The following GALNT13 variants were observed in gnomAD, a reference collection of about 807,000 sequenced individuals.
GALNT13 encodes polypeptide N-acetylgalactosaminyltransferase 13.
Under a neutral mutation model 64.2 loss-of-function variants are expected in GALNT13, and 28 were observed. The ratio of observed to expected loss-of-function variants is 0.44; its 90% confidence interval spans 0.32 to 0.60. The LOEUF (loss-of-function observed/expected upper bound fraction) is 0.60, where lower values mean the gene tolerates loss of function less well. GALNT13 is among the 20% of genes least tolerant of loss of function. The pLI, the probability that GALNT13 is intolerant of heterozygous loss-of-function variation, is 0.05. For synonymous variants in GALNT13, 214 were observed against 224.6 expected (o/e 0.95, Z 0.42); for missense variants, 577 against 669.8 (o/e 0.86, Z 1.53).
At chr2:153,960,012 G>T (rs1415016423) in intron 3 of GALNT13, among the ~76,000 whole-genome samples, 1 of 152,244 alleles carries the variant, frequency 6.6e-6, no homozygotes, top group Non-Finnish European at 1.5e-5. Flanking sequence ...CTGCTGGTCA[G>T]AGAGGCAGGT....
chr2:153,221,527 T>C, the GALNT13 span, among the ~76,000 whole-genome samples: 13 of 152,230 alleles, frequency 8.5e-5, no homozygotes, highest in African/African-American at 2.9e-4. Context: ...ATTCTTCAAG[T>C]GTTGCTTTTC....
At chr2:153,949,516 G>GAA (rs201346677) in intron 3 of GALNT13, among the ~76,000 whole-genome samples, 23 of 133,828 alleles carry the variant, frequency 1.7e-4, no homozygotes, top group East Asian at 4.1e-4. Flanking sequence ...TCTCAAAAAA[G>GAA]AAAAAAAAAA....
At chr2:154,121,703 A>C (rs1277906463) in intron 3 of GALNT13, among the ~76,000 whole-genome samples, 6 of 151,594 alleles carry the variant, frequency 4.0e-5, no homozygotes, top group Non-Finnish European at 8.8e-5. Flanking sequence ...ATACTATAGC[A>C]CTATTTGCTA....
the GALNT13 span, among the ~76,000 whole-genome samples, chr2:153,395,164 C>T: frequency 1.3e-5 from 2 of 152,124 alleles, no homozygotes; most frequent in Admixed American, 6.6e-5. Flanking sequence ...AAGGTAATCA[C>T]AAAGTGATTA....
intron 9 of GALNT13, among the ~76,000 whole-genome samples, chr2:154,347,988 T>A (rs1456411488): frequency 6.6e-6 from 1 of 152,200 alleles, no homozygotes; most frequent in African/African-American, 2.4e-5. Context: ...AGTACATTCA[T>A]ATTAATGATT....
At chr2:154,379,353 G>A (rs956903523) in intron 9 of GALNT13, among the ~76,000 whole-genome samples, 1 of 151,688 alleles carries the variant, frequency 6.6e-6, no homozygotes, top group Non-Finnish European at 1.5e-5. Flanking sequence ...TTTATCAAAT[G>A]TTCTTAACAT....
the GALNT13 span, among the ~76,000 whole-genome samples, chr2:153,690,203 ACT>A: frequency 6.6e-6 from 1 of 152,126 alleles, no homozygotes; most frequent in Non-Finnish European, 1.5e-5. Context: ...TGAATATATT[ACT>A]GAGATATTCT....
At chr2:153,675,590 T>G in the GALNT13 span, among the ~76,000 whole-genome samples, 1 of 152,110 alleles carries the variant, frequency 6.6e-6, no homozygotes, top group Non-Finnish European at 1.5e-5. Context: ...AAATACCTAA[T>G]GTAAATGAGA....
the GALNT13 span, among the ~76,000 whole-genome samples, chr2:153,669,274 TACATGTGC>T: frequency 6.6e-6 from 1 of 152,194 alleles, no homozygotes; most frequent in Non-Finnish European, 1.5e-5. Context: ...TTTGATGGTG[TACATGTGC>T]ACATGTGAAA....
intron 3 of GALNT13, among the ~76,000 whole-genome samples, chr2:154,052,246 G>GA (rs1300580160): frequency 6.6e-6 from 1 of 151,954 alleles, no homozygotes; most frequent in Non-Finnish European, 1.5e-5. Context: ...ATTTGTGAAA[G>GA]AAAAAAATAT....
chr2:153,659,335 T>C, the GALNT13 span, among the ~76,000 whole-genome samples: 1 of 152,120 alleles, frequency 6.6e-6, no homozygotes, highest in Non-Finnish European at 1.5e-5. Flanking sequence ...AGATTTCACT[T>C]CATTTCAACC....
chr2:153,546,618 G>T, the GALNT13 span, among the ~76,000 whole-genome samples: 3 of 152,290 alleles, frequency 2.0e-5, no homozygotes, highest in Admixed American at 2.0e-4. Flanking sequence ...ACTGTCCACA[G>T]CCAAGTACGA....
chr2:153,372,402 C>T, the GALNT13 span, among the ~76,000 whole-genome samples: 2 of 152,162 alleles, frequency 1.3e-5, no homozygotes, highest in African/African-American at 4.8e-5. Flanking sequence ...AATCCCAGCA[C>T]TTTGGGAGGC....
At chr2:154,077,783 A>T (rs2105405367) in intron 3 of GALNT13, among the ~76,000 whole-genome samples, 1 of 151,666 alleles carries the variant, frequency 6.6e-6, no homozygotes. Context: ...AGTGTTGAAA[A>T]ACTAGAGGCA....
the GALNT13 span, among the ~76,000 whole-genome samples, chr2:153,182,240 T>A: frequency 6.6e-6 from 1 of 152,022 alleles, no homozygotes; most frequent in Non-Finnish European, 1.5e-5. Context: ...GAGACGGGGT[T>A]TCACCGTGTT....
the GALNT13 span, among the ~76,000 whole-genome samples, chr2:153,832,904 C>G: frequency 6.6e-6 from 1 of 152,180 alleles, no homozygotes; most frequent in Admixed American, 6.5e-5. Context: ...TATGTCCCAA[C>G]AAGGCTTTAT....
chr2:153,715,756 A>G, the GALNT13 span, among the ~76,000 whole-genome samples: 2 of 151,530 alleles, frequency 1.3e-5, no homozygotes, highest in African/African-American at 2.4e-5. Context: ...CTTATCATAT[A>G]TTAACATCCT....
chr2:153,814,777 AT>A, the GALNT13 span, among the ~76,000 whole-genome samples: 2 of 152,208 alleles, frequency 1.3e-5, no homozygotes, highest in Admixed American at 6.5e-5. Context: ...CTCAGGCCTT[AT>A]AAACCGTAAT....
the GALNT13 span, among the ~76,000 whole-genome samples, chr2:153,194,932 G>A: frequency 6.6e-6 from 1 of 152,210 alleles, no homozygotes; most frequent in Admixed American, 6.5e-5. Flanking sequence ...GGAATAGACT[G>A]CCGAGGCTAG....
Sources: gnomAD v4.1 joint callset for allele counts (sites outside exome capture counted in the v4.1 genomes callset) on GRCh38, gnomAD v4.1.1 for gene constraint, MANE v1.5 for transcripts, NCBI Gene and HGNC (gene_info 2026-07-23, HGNC 2026-07-21) for gene names.